The following SPEGNB variants were observed in gnomAD, a reference collection of about 807,000 sequenced individuals.
The protein encoded by SPEGNB is SPEG neighbor, also known as SPEG neighbor protein.
A neutral mutation model predicts 18.3 loss-of-function variants in SPEGNB; 12 were observed. The ratio of observed to expected loss-of-function variants is 0.65; its 90% CI spans 0.42 to 1.06. The LOEUF is 1.06. Ranked by LOEUF, SPEGNB falls within the 50% of genes least tolerant of loss-of-function variation. SPEGNB has a pLI of 0.00. For missense variants in SPEGNB, 273 were observed against 329.3 expected (o/e 0.83, Z 1.32); for synonymous variants, 113 against 138.8 (o/e 0.81, Z 1.31).
At chr2:219,497,667 C>G in intron 3 of SPEGNB, 53 bp from the exon 4 acceptor site, 5 of 1,290,200 alleles carry the variant, frequency 3.9e-6, no homozygotes, top group Non-Finnish European at 5.1e-6. Context: ...AGGTGATGCC[C>G]TGCCTCATCT....
Position 219,496,367 on chromosome 2 carries a change from G to T in SPEGNB, c.13G>T (p.Ala5Ser). Residue 5 changes from alanine to serine, a missense_variant, in exon 2 of 5, where the codon GCT (alanine) becomes TCT (serine). Ala to Ser is a moderately conservative substitution (Grantham distance 99). Coordinates refer to ENST00000651166, the MANE Select transcript of SPEGNB (RefSeq NM_001286811.2). MSKA[A>S]PAKKPVAVAP... ...GCCCACTCCCCAGATGTCTAAAGCA[G>T]CTCCTGCCAAAAAGCCAGTGGCTGT... The T allele has an allele frequency of 7.8e-7, 1 of 1,275,930 alleles. No homozygotes were observed. Among genetic ancestry groups the T allele is most frequent in the Non-Finnish European group, 1.0e-6 (1 of 969,432 alleles). The allele number at this position is 1,275,930 out of a possible 1,614,324, so 79.0% of individuals were successfully genotyped here.
chr2:219,497,721 C>A lies in SPEGNB; in HGVS notation c.438C>A (p.Val146=), dbSNP rs1194217597. 7.7e-7 allele frequency: 1 copy of A among 1,303,618 alleles called. No homozygotes were observed. Among genetic ancestry groups the A allele is most frequent in the Non-Finnish European group, 1.0e-6 (1 of 988,506 alleles). The allele number at this position is 1,303,618 out of a possible 1,614,324, so 80.8% of individuals were successfully genotyped here. ...CSDSARILVE[V]PTKIQKGPDN... is the part of the protein sequence containing the mutation. ...TTCGCTCCCCTTTCCTTCCGCTAGT[C>A]CCGACGAAGATTCAAAAGGGACCCG... is the stretch of plus-strand genomic sequence containing the variant. The change falls in exon 4 of 5, where the codon GTC becomes GTA. Residue 146 remains valine, a splice_region_variant and synonymous_variant. Transcript: ENST00000651166.
rs13386485 is a variant in SPEGNB, at chr2:219,496,479, A to G, written c.125A>G (p.His42Arg). The G allele has an allele frequency of 3.0e-3, 3,782 of 1,260,274 alleles. 102 individuals carry two copies. The African/African-American group carries it at 0.053, about 18-fold the overall frequency. 78.1% of individuals were successfully genotyped at this position (1,260,274 alleles called of 1,614,324 possible). Residue 42 changes from histidine (H) to arginine (R), a missense_variant, in exon 2 of 5, where the codon CAC becomes CGC. By Grantham distance (29) the His-to-Arg change is conservative. Transcript: ENST00000651166. ...CGTATCCAGGCCTCTTACCGGGGCC[A>G]CAGGTGAGAGGGAACCCCGGAGCCC... is the stretch of plus-strand genomic sequence containing the variant. The part of the protein sequence containing the change: ...AIRIQASYRG[H>R]RSRKELREKG...
Position 219,496,498 on chromosome 2 carries a change from G to T in SPEGNB, c.128+16G>T, listed in dbSNP as rs199969682. 1 of 1,225,640 alleles carries T rather than the reference G, an allele frequency of 8.2e-7. No individual in the cohort carries two copies. Among genetic ancestry groups the T allele is most frequent in the African/African-American group, 1.6e-5 (1 of 63,496 alleles). 75.9% of individuals were successfully genotyped at this position (1,225,640 alleles called of 1,614,324 possible). On this transcript the variant is annotated intron_variant, in intron 2 of 4. Coordinates refer to ENST00000651166, the MANE Select transcript of SPEGNB (RefSeq NM_001286811.2). ...GGGGCCACAGGTGAGAGGGAACCCC[G>T]GAGCCCTGTGGAGGAAGGGAGCTGC...
At chr2:219,496,516 G>A (rs1165791035) in intron 2 of SPEGNB, 34 bp downstream of exon 2, 8 of 1,205,710 alleles carry the variant, frequency 6.6e-6, no homozygotes, top group Non-Finnish European at 8.6e-6. Flanking sequence ...GTGGAGGAAG[G>A]GAGCTGCAGA....
Position 219,497,817 on chromosome 2 carries a change from C to A in SPEGNB, c.534C>A (p.Asp178Glu). 12 of 1,304,296 alleles carry A rather than the reference C, an allele frequency of 9.2e-6. No individual in the cohort carries two copies. The highest frequency in any genetic ancestry group is 1.2e-5 in the Non-Finnish European group (12 of 988,962). 80.8% of individuals were successfully genotyped at this position (1,304,296 alleles called of 1,614,324 possible). The change falls in exon 4 of 5, where the codon GAC becomes GAA. Residue 178 changes from aspartate to glutamate, a missense_variant. Asp to Glu is a conservative substitution (Grantham distance 45). Coordinates refer to ENST00000651166, the MANE Select transcript of SPEGNB (RefSeq NM_001286811.2). ...TAEILGEPAP[D>E]VGWTKDGEDI... ...AGATCCTGGGAGAGCCTGCGCCCGA[C>A]GTAGGCTGGACCAAGGACGGGGAGG... is the stretch of plus-strand genomic sequence containing the variant.
intron 3 of SPEGNB, 31 bp downstream of exon 3, chr2:219,497,147 G>A (rs548648980): frequency 7.6e-6 from 9 of 1,186,570 alleles, no homozygotes; most frequent in South Asian, 6.3e-5. Flanking sequence ...GCGCCAGGGC[G>A]CAGACCAGCA....
intron 3 of SPEGNB, 92 bp from the exon 4 acceptor site, chr2:219,497,628 C>G (rs1225844145): frequency 5.7e-6 from 7 of 1,231,182 alleles, no homozygotes; most frequent in Non-Finnish European, 7.4e-6. Context: ...TTAAATGCAT[C>G]TGTATTTAGT....
Position 219,497,792 on chromosome 2 carries a change from A to C in SPEGNB, c.509A>C (p.Glu170Ala). 7.7e-7 allele frequency: 1 copy of C among 1,304,238 alleles called. No homozygotes were observed. Among genetic ancestry groups the C allele is most frequent in the Non-Finnish European group, 1.0e-6 (1 of 988,956 alleles). The allele number at this position is 1,304,238 out of a possible 1,614,324, so 80.8% of individuals were successfully genotyped here. A position where few individuals can be genotyped will look rare whatever the true frequency, so the allele number is the denominator to read the frequency against. The change falls in exon 4 of 5, where the codon GAG becomes GCG. Residue 170 changes from glutamate to alanine, a missense_variant. Glu to Ala is a moderately radical substitution (Grantham distance 107). Coordinates refer to ENST00000651166, the MANE Select transcript of SPEGNB (RefSeq NM_001286811.2). Reference protein sequence around the residue: ...RKGTTVTLTAEILGEPAPDVG... With the variant: ...RKGTTVTLTAAILGEPAPDVG... ...GGCACCACCGTGACGCTGACTGCGG[A>C]GATCCTGGGAGAGCCTGCGCCCGAC... is the stretch of plus-strand genomic sequence containing the variant.
chr2:219,498,064 ATCGGCAGC>A lies in SPEGNB; in HGVS notation c.593_600del (p.Ile198AsnfsTer65). On this transcript the variant is annotated frameshift_variant, in exon 5 of 5. Transcript: ENST00000651166. LOFTEE classifies it high-confidence loss of function. ...GCCCTTCCGCAGGGTGTTCTTCGAG[ATCGGCAGC>A]ACCACCACGACGCTGACCATTCGCC... The A allele has an allele frequency of 1.5e-6, 2 of 1,302,960 alleles. No homozygotes were observed. The highest frequency in any genetic ancestry group is 2.0e-6 in the Non-Finnish European group (2 of 988,264). 80.7% of individuals were successfully genotyped at this position (1,302,960 alleles called of 1,614,324 possible).
At chr2:219,497,897 G>A in intron 4 of SPEGNB, 36 bp downstream of exon 4, 1 of 1,301,172 alleles carries the variant, frequency 7.7e-7, no homozygotes, top group Non-Finnish European at 1.0e-6. Context: ...CCAGGGCCTG[G>A]GGCTGGAACC....
rs777279901 is a variant in SPEGNB, at chr2:219,496,947, G to A, written c.267G>A (p.Lys89=). Residue 89 remains lysine (K), a synonymous_variant, in exon 3 of 5, where the codon AAG becomes AAA. Coordinates refer to ENST00000651166, the MANE Select transcript of SPEGNB (RefSeq NM_001286811.2). ...AFPDPFIRWS[K]DGKELRDGPK... is the part of the protein sequence containing the mutation. ...CGGACCCATTCATCCGCTGGAGTAA[G>A]GACGGCAAGGAGCTACGTGACGGTC... The A allele has an allele frequency of 7.7e-7, 1 of 1,303,298 alleles. No homozygotes were observed. The highest frequency in any genetic ancestry group is 1.2e-5 in the South Asian group (1 of 80,980). The allele number at this position is 1,303,298 out of a possible 1,614,324, so 80.7% of individuals were successfully genotyped here.
At chr2:219,496,251 C>T in intron 1 of SPEGNB, 34 bp downstream of exon 1, 2 of 1,042,508 alleles carry the variant, frequency 1.9e-6, no homozygotes, top group South Asian at 4.5e-5. Context: ...CGCAGACACC[C>T]CCATTCCTCC....
chr2:219,498,240 C>A lies in SPEGNB; in HGVS notation c.*51C>A. The A allele has an allele frequency of 7.8e-7, 1 of 1,277,700 alleles. No homozygotes were observed. The highest frequency in any genetic ancestry group is 5.6e-5 in the East Asian group (1 of 17,790). 79.1% of individuals were successfully genotyped at this position (1,277,700 alleles called of 1,614,324 possible). ...GGCGCCGAGCCCGGGGGTGGTGGGA[C>A]CCACAGCCCTCCACCAGCTTGCTTA... On this transcript the variant is annotated 3_prime_UTR_variant, in exon 5 of 5. Coordinates refer to ENST00000651166, the MANE Select transcript of SPEGNB (RefSeq NM_001286811.2).
At chr2:219,497,167 C>T (rs1694244456) in intron 3 of SPEGNB, 51 bp downstream of exon 3, 1 of 1,125,216 alleles carries the variant, frequency 8.9e-7, no homozygotes, top group African/African-American at 1.7e-5. Flanking sequence ...ACCACTCAGC[C>T]AGAGCCCGCA....
In SPEGNB at chr2:219,496,805, G is replaced by C; in HGVS notation, c.129-4G>C. The stretch of plus-strand genomic sequence containing the variant: ...CTCTGGGCCCTGACTCGGCCCGCGG[G>C]TAGGTCCCGGAAGGAGCTGCGCGAG... On this transcript the variant is annotated splice_polypyrimidine_tract_variant and splice_region_variant and intron_variant, in intron 2 of 4. Coordinates refer to ENST00000651166, the MANE Select transcript of SPEGNB (RefSeq NM_001286811.2). The C allele has an allele frequency of 8.1e-7, 1 of 1,231,232 alleles. No homozygotes were observed. Among genetic ancestry groups the C allele is most frequent in the South Asian group, 1.4e-5 (1 of 70,754 alleles). 76.3% of individuals were successfully genotyped at this position (1,231,232 alleles called of 1,614,324 possible).
chr2:219,498,010 C>G, intron 4 of SPEGNB, 41 bp from the exon 5 acceptor site: 1 of 1,288,608 alleles, frequency 7.8e-7, no homozygotes, highest in Non-Finnish European at 1.0e-6. Context: ...CGCCCGTGTA[C>G]TGACCACGGC....
rs1308841830 is a variant in SPEGNB at position 219,496,217 on chromosome 2, G to A, written c.-1G>A. 9.9e-6 allele frequency: 8 copies of A among 805,930 alleles called. No homozygotes were observed. The Admixed American group carries it at 2.8e-4, about 28-fold the overall frequency. The allele number at this position is 805,930 out of a possible 1,614,324, so 49.9% of individuals were successfully genotyped here. A position where few individuals can be genotyped will look rare whatever the true frequency, so the allele number is the denominator to read the frequency against. On this transcript the variant is annotated splice_region_variant and 5_prime_UTR_variant, in exon 1 of 5. Coordinates refer to ENST00000651166, the MANE Select transcript of SPEGNB (RefSeq NM_001286811.2). ...CAAGTCCCTAGGTCAACCCCTCCAC[G>A]GTGAGTCTGATCCTCAGAGAAGCCG...
At chr2:219,497,691 G>A (rs1444489561) in intron 3 of SPEGNB, 29 bp from the exon 4 acceptor site, 1 of 1,297,766 alleles carries the variant, frequency 7.7e-7, no homozygotes, top group Non-Finnish European at 1.0e-6. Context: ...GGTCCTTCAC[G>A]GGGTTTCGCT....
Sources: allele counts gnomAD v4.1 joint callset, GRCh38; gene constraint gnomAD v4.1.1; transcripts MANE v1.5; gene names NCBI Gene and HGNC (gene_info 2026-07-23, HGNC 2026-07-21).